SUV39H2: variants seen among roughly 807,000 people sequenced by gnomAD.
SUV39H2 encodes SUV39H2 histone lysine methyltransferase.
Under a neutral mutation model 47.5 loss-of-function variants are expected in SUV39H2, and 10 were observed. That is an observed-to-expected ratio of 0.21 (90% CI 0.13 to 0.36). SUV39H2 has a LOEUF of 0.36. Ranked by LOEUF, SUV39H2 falls within the 10% of genes least tolerant of loss-of-function variation. SUV39H2 has a pLI of 1.00. For missense variants in SUV39H2, 266 were observed against 487.4 expected (o/e 0.55, Z 4.28); for synonymous variants, 159 against 166.8 (o/e 0.95, Z 0.36).
chr10:14,880,642 A>C (rs923150962), intron 1 of SUV39H2, among the ~76,000 whole-genome samples: 11 of 152,178 alleles, frequency 7.2e-5, no homozygotes, highest in African/African-American at 2.4e-4. Flanking sequence ...GTTAATTTAC[A>C]CTTTAAATTC....
intron 3 of SUV39H2, 70 bp from the exon 4 acceptor site, chr10:14,899,469 A>G: frequency 6.6e-7 from 1 of 1,513,856 alleles, no homozygotes. Context: ...TTCGCATATT[A>G]GTAGATAGGT....
rs560933536 is a variant in SUV39H2, at chr10:14,879,172, C to T, written c.31+253C>T. On this transcript the variant is annotated intron_variant, in intron 1 of 5. Transcript: ENST00000354919. ...GGGGCACTTCGGAAGTGGAGCGTGG[C>T]CTCTCCGCCCGCTCGGCCCGGCCCC... 7.8e-4 allele frequency: 903 copies of T among 1,162,638 alleles called. 4 individuals are homozygous for T. In the African/African-American group the frequency reaches 0.013, roughly 17 times the overall value. The allele number at this position is 1,162,638 out of a possible 1,614,324, so 72.0% of individuals were successfully genotyped here.
chr10:14,888,279 G>A (rs1833276093), intron 2 of SUV39H2, among the ~76,000 whole-genome samples: 2 of 152,124 alleles, frequency 1.3e-5, no homozygotes, highest in African/African-American at 4.8e-5. Context: ...AGGAGTAGGT[G>A]GGGACACTCA....
intron 2 of SUV39H2, among the ~76,000 whole-genome samples, chr10:14,884,350 T>C (rs1040458629): frequency 6.6e-6 from 1 of 152,260 alleles, no homozygotes; most frequent in Non-Finnish European, 1.5e-5. Flanking sequence ...TCTGACTTTT[T>C]GATGATAGTT....
chr10:14,887,153 G>T (rs921331726), intron 2 of SUV39H2, among the ~76,000 whole-genome samples: 1 of 152,182 alleles, frequency 6.6e-6, no homozygotes, highest in African/African-American at 2.4e-5. Flanking sequence ...TGTTCTGAAT[G>T]GCTGTCATAG....
At chr10:14,881,713 T>C in intron 2 of SUV39H2, 68 bp downstream of exon 2, 1 of 1,255,492 alleles carries the variant, frequency 8.0e-7, no homozygotes. Context: ...TTCTGTAACA[T>C]AAAAAGAACA....
chr10:14,897,959 A>G (rs1426066663), intron 3 of SUV39H2: 1 of 152,244 alleles, frequency 6.6e-6, no homozygotes, highest in Non-Finnish European at 1.5e-5. Flanking sequence ...TACTATATTT[A>G]TGAGTTTTGT....
At chr10:14,890,999 G>T (rs1833371938) in intron 2 of SUV39H2, among the ~76,000 whole-genome samples, 1 of 152,196 alleles carries the variant, frequency 6.6e-6, no homozygotes, top group Non-Finnish European at 1.5e-5. Context: ...ATGGTGGGCA[G>T]TTGTGCTCAT....
At chr10:14,886,026 C>T (rs1232007204) in intron 2 of SUV39H2, among the ~76,000 whole-genome samples, 1 of 152,164 alleles carries the variant, frequency 6.6e-6, no homozygotes, top group African/African-American at 2.4e-5. Flanking sequence ...ACCTTTCCAG[C>T]CTCATCTCTT....
chr10:14,892,773 TTGAA>T (rs1254939997), intron 2 of SUV39H2, among the ~76,000 whole-genome samples: 1 of 152,096 alleles, frequency 6.6e-6, no homozygotes, highest in African/African-American at 2.4e-5. Context: ...CCTAAAATAT[TTGAA>T]TGACTTTAAC....
chr10:14,887,986 A>G (rs1160327684), intron 2 of SUV39H2, among the ~76,000 whole-genome samples: 1 of 152,170 alleles, frequency 6.6e-6, no homozygotes, highest in African/African-American at 2.4e-5. Context: ...AGAGGGTGTG[A>G]GTGGAACAGA....
intron 1 of SUV39H2, 134 bp downstream of exon 1, chr10:14,879,053 G>T: frequency 7.6e-7 from 1 of 1,314,816 alleles, no homozygotes; most frequent in South Asian, 2.2e-5. Flanking sequence ...CCAACTCCGG[G>T]ACGCACGCTG....
chr10:14,895,180 ATT>A (rs61175237), intron 2 of SUV39H2, among the ~76,000 whole-genome samples: 139 of 139,666 alleles, frequency 1.0e-3, no homozygotes, highest in African/African-American at 2.8e-3. Flanking sequence ...TTTTACTTTT[ATT>A]TTTTTTTTTT....
chr10:14,888,722 A>G (rs904015938), intron 2 of SUV39H2, among the ~76,000 whole-genome samples: 1 of 152,172 alleles, frequency 6.6e-6, no homozygotes, highest in Non-Finnish European at 1.5e-5. Flanking sequence ...ACAGTAGGTC[A>G]GAGAACTGGA....
intron 2 of SUV39H2, among the ~76,000 whole-genome samples, chr10:14,885,892 T>G (rs116372633): frequency 5.3e-4 from 81 of 152,332 alleles, no homozygotes; most frequent in African/African-American, 1.7e-3. Flanking sequence ...TATAGTTGTT[T>G]CTTAAACCTA....
intron 4 of SUV39H2, among the ~76,000 whole-genome samples, chr10:14,900,232 C>T (rs1217525714): frequency 6.6e-6 from 1 of 152,198 alleles, no homozygotes; most frequent in Non-Finnish European, 1.5e-5. Context: ...TGGCACTTAA[C>T]TGCAGAATTC....
intron 3 of SUV39H2, chr10:14,898,202 CTTTTTTTTTTTT>C (rs919860514): frequency 8.9e-5 from 5 of 56,150 alleles, no homozygotes; most frequent in Admixed American, 7.8e-4. Flanking sequence ...AGTACTGTTT[CTTTTTTTTTTTT>C]TTTTTTTTTT....
In SUV39H2 at chr10:14,897,072, T is replaced by TGCC; in HGVS notation, c.404_405insGCC (p.Ile135delinsMetPro). ...ATTGTGAAGAAGGCTAAACAAAGGA[T>TGCC]AGCTCTGCAGAGATGGCAAGATGAA... On this transcript the variant is annotated protein_altering_variant, in exon 3 of 6. Transcript: ENST00000354919. 6.2e-7 allele frequency: 1 copy of TGCC among 1,614,046 alleles called. No homozygotes were observed. The highest frequency in any genetic ancestry group is 8.5e-7 in the Non-Finnish European group (1 of 1,179,998).
At position 14,899,662 on chromosome 10, in the gene SUV39H2, G is replaced by A; in HGVS notation, c.973G>A (p.Val325Met). 3 of 1,613,956 alleles carry A rather than the reference G, an allele frequency of 1.9e-6. No individual in the cohort carries two copies. Among genetic ancestry groups the A allele is most frequent in the Non-Finnish European group, 8.5e-7 (1 of 1,179,952 alleles). ...AGTGGATGCGGCTCGATACGGCAAT[G>A]TGTCTCATTTTGTGAATCACAGCGT... Reference protein sequence around the residue: ...FTVDAARYGNVSHFVNHSCDP... With the variant: ...FTVDAARYGNMSHFVNHSCDP... Residue 325 changes from valine (V) to methionine (M), a missense_variant, in exon 4 of 6, where the codon GTG (valine) becomes ATG (methionine). By Grantham distance (21) the Val-to-Met change is conservative. Transcript: ENST00000354919.
Sources: gnomAD v4.1 joint callset for allele counts (sites outside exome capture counted in the v4.1 genomes callset) on GRCh38, gnomAD v4.1.1 for gene constraint, MANE v1.5 for transcripts, NCBI Gene and HGNC (gene_info 2026-07-23, HGNC 2026-07-21) for gene names.